The following PCLO variants were observed in gnomAD, a reference collection of about 807,000 sequenced individuals.
PCLO encodes protein piccolo.
A neutral mutation model predicts 427.5 loss-of-function variants in PCLO; 82 were observed. The ratio of observed to expected loss-of-function variants is 0.19; its 90% CI spans 0.16 to 0.23. The LOEUF (loss-of-function observed/expected upper bound fraction) is 0.23. Ranked by LOEUF, PCLO falls within the 10% of genes least tolerant of loss-of-function variation. PCLO has a pLI of 1.00. For synonymous variants in PCLO, 2,357 were observed against 2,155.4 expected (o/e 1.09, Z -2.59); for missense variants, 6,239 against 6,115.9 (o/e 1.02, Z -0.67).
chr7:82,828,084 T>C, intron 16 of PCLO, 118 bp from the exon 17 acceptor site: 1 of 653,378 alleles, frequency 1.5e-6, no homozygotes, highest in Non-Finnish European at 2.7e-6. Flanking sequence ...ACTATATAAT[T>C]ATCTCATCAT....
intron 3 of PCLO, among the ~76,000 whole-genome samples, chr7:83,096,716 C>A (rs1237581044): frequency 2.6e-5 from 3 of 116,960 alleles, no homozygotes; most frequent in Admixed American, 1.1e-4. Context: ...GTAAATAAAC[C>A]TAAATGGAAA....
At chr7:82,961,039 A>G (rs1248551493) in intron 4 of PCLO, among the ~76,000 whole-genome samples, 2 of 152,214 alleles carry the variant, frequency 1.3e-5, no homozygotes, top group Non-Finnish European at 2.9e-5. Context: ...CAGTTCCCCC[A>G]TCTTTACTAA....
At chr7:82,962,759 G>A (rs2115631420) in intron 4 of PCLO, among the ~76,000 whole-genome samples, 2 of 151,936 alleles carry the variant, frequency 1.3e-5, no homozygotes, top group South Asian at 4.2e-4. Context: ...ATAAGGTTAG[G>A]GAGATGGCAG....
At chr7:82,819,345 T>C (rs1255717189) in intron 20 of PCLO, among the ~76,000 whole-genome samples, 2 of 152,080 alleles carry the variant, frequency 1.3e-5, no homozygotes, top group African/African-American at 4.8e-5. Flanking sequence ...AACACTTTAA[T>C]ATAAATTTTA....
At chr7:82,933,312 T>G (rs1049944284) in intron 6 of PCLO, among the ~76,000 whole-genome samples, 1 of 152,104 alleles carries the variant, frequency 6.6e-6, no homozygotes, top group South Asian at 2.1e-4. Context: ...AACTTAGCAC[T>G]TCTGTCTTTT....
chr7:82,996,634 CT>C (rs1787621688), intron 3 of PCLO, among the ~76,000 whole-genome samples: 1 of 152,040 alleles, frequency 6.6e-6, no homozygotes, highest in Non-Finnish European at 1.5e-5. Context: ...TACACAATCT[CT>C]TTTGTGGCTT....
chr7:82,848,607 G>C (rs766321380), intron 10 of PCLO, among the ~76,000 whole-genome samples: 7 of 151,982 alleles, frequency 4.6e-5, no homozygotes, highest in African/African-American at 9.7e-5. Flanking sequence ...CACTGTGCCT[G>C]GCCTGAACCA....
At chr7:83,017,047 G>C (rs1788226360) in intron 3 of PCLO, among the ~76,000 whole-genome samples, 1 of 152,000 alleles carries the variant, frequency 6.6e-6, no homozygotes, top group Non-Finnish European at 1.5e-5. Context: ...AAGAGAACAA[G>C]AAAGGGGAAA....
At chr7:82,761,289 T>A in intron 23 of PCLO, 70 bp downstream of exon 23, 2 of 870,654 alleles carry the variant, frequency 2.3e-6, no homozygotes, top group Non-Finnish European at 3.4e-6. Flanking sequence ...TAGTTAACAT[T>A]TTCCAGAATA....
At chr7:82,822,749 T>G in intron 19 of PCLO, 60 bp from the exon 20 acceptor site, 1 of 1,443,582 alleles carries the variant, frequency 6.9e-7, no homozygotes, top group Non-Finnish European at 9.7e-7. Flanking sequence ...CTATCAAGCT[T>G]GGTTTACACA....
chr7:82,859,235 G>A (rs1045637678), intron 10 of PCLO, among the ~76,000 whole-genome samples: 3 of 152,200 alleles, frequency 2.0e-5, no homozygotes, highest in African/African-American at 7.2e-5. Context: ...TAATTGTAGA[G>A]TTCCAGGGCT....
intron 3 of PCLO, among the ~76,000 whole-genome samples, chr7:82,975,309 A>G (rs1489233799): frequency 6.6e-6 from 1 of 152,214 alleles, no homozygotes; most frequent in East Asian, 1.9e-4. Context: ...GATCATTTAA[A>G]ACACACTGCA....
chr7:82,822,776 A>G lies in PCLO; in HGVS notation c.14597-87T>C, dbSNP rs1791828108. On this transcript the variant is annotated intron_variant, in intron 19 of 24. Coordinates refer to ENST00000333891, the MANE Select transcript of PCLO (RefSeq NM_033026.6). Reference sequence around the variant, plus strand: ...GTTTACACATAATTTGAAACTGCCTAAAATTTATGTTAATTCTGAGTCTTA... The same window carrying G: ...GTTTACACATAATTTGAAACTGCCTGAAATTTATGTTAATTCTGAGTCTTA... The G allele has an allele frequency of 2.9e-6, 3 of 1,051,088 alleles. No homozygotes were observed. The Admixed American group carries it at 5.2e-5, about 18-fold the overall frequency. 65.1% of individuals were successfully genotyped at this position (1,051,088 alleles called of 1,614,324 possible).
intron 3 of PCLO, among the ~76,000 whole-genome samples, chr7:83,019,834 C>T (rs1285967420): frequency 6.6e-6 from 1 of 152,032 alleles, no homozygotes; most frequent in African/African-American, 2.4e-5. Flanking sequence ...GGGGCAAAGA[C>T]TGAAGCAGCG....
At chr7:83,040,048 T>TG (rs2116205571) in intron 3 of PCLO, among the ~76,000 whole-genome samples, 1 of 152,276 alleles carries the variant, frequency 6.6e-6, no homozygotes, top group South Asian at 2.1e-4. Flanking sequence ...CTATTAATTC[T>TG]AATCATTTTA....
chr7:82,804,926 G>T (rs1791428276), intron 21 of PCLO, among the ~76,000 whole-genome samples: 2 of 152,128 alleles, frequency 1.3e-5, no homozygotes, highest in African/African-American at 4.8e-5. Context: ...TCAAAATCCA[G>T]AAGACTAGTT....
intron 10 of PCLO, among the ~76,000 whole-genome samples, chr7:82,866,002 T>C (rs949915177): frequency 6.6e-6 from 1 of 152,188 alleles, no homozygotes; most frequent in Non-Finnish European, 1.5e-5. Flanking sequence ...CCTGCAAGAT[T>C]TGACCCCTGC....
chr7:82,978,630 A>G (rs995824580), intron 3 of PCLO, among the ~76,000 whole-genome samples: 1 of 152,150 alleles, frequency 6.6e-6, no homozygotes, highest in Non-Finnish European at 1.5e-5. Context: ...AATATACAAC[A>G]TATACATACA....
chr7:82,966,089 C>G lies in PCLO; in HGVS notation c.3699G>C (p.Lys1233Asn), dbSNP rs775849413. Residue 1233 changes from lysine (K) to asparagine (N), a missense_variant, in exon 4 of 25, where the codon AAG becomes AAC. Lys to Asn is a moderately conservative substitution (Grantham distance 94, BLOSUM62 0). This residue lies in a region of PCLO where 4,677 missense variants were observed against 4,468.4 expected (regional missense o/e 1.05). Transcript: ENST00000333891. Reference sequence around the variant, plus strand: ...TTGGCTTTTTTTCTTCTAGGAGTGGCTTTTTTTCTTCAGAACGTATCTTTT... The same window carrying G: ...TTGGCTTTTTTTCTTCTAGGAGTGGGTTTTTTTCTTCAGAACGTATCTTTT... ...EEEKIRSEEK[K>N]PLLEEKKPTP... 3.7e-6 allele frequency: 6 copies of G among 1,611,126 alleles called. No homozygotes were observed. The African/African-American group carries it at 6.7e-5, about 18-fold the overall frequency.
Sources: allele counts gnomAD v4.1 joint callset (sites outside exome capture counted in the v4.1 genomes callset), GRCh38; gene constraint gnomAD v4.1.1; regional missense constraint gnomAD v4.1.1; transcripts MANE v1.5; gene names NCBI Gene and HGNC (gene_info 2026-07-23, HGNC 2026-07-21).